DSN1: variants seen among roughly 807,000 people sequenced by gnomAD.
The protein encoded by DSN1 is kinetochore-associated protein DSN1 homolog.
Under a neutral mutation model 45.7 loss-of-function variants are expected in DSN1, and 31 were observed. The observed-to-expected ratio is 0.68, with a 90% CI of 0.51 to 0.92. The LOEUF is 0.92. Among genes scored for constraint, DSN1 ranks in the 40% least tolerant of loss-of-function variants. The pLI is 0.00. For synonymous variants in DSN1, 134 were observed against 142.3 expected (o/e 0.94, Z 0.41); for missense variants, 394 against 414.2 (o/e 0.95, Z 0.42).
At chr20:36,754,332 C>A (rs1840406079) in intron 10 of DSN1, among the ~76,000 whole-genome samples, 1 of 151,816 alleles carries the variant, frequency 6.6e-6, no homozygotes, top group Admixed American at 6.6e-5. Context: ...AAGCGAGAGA[C>A]TTTGCCCCCC....
chr20:36,766,941 A>C, intron 4 of DSN1, 100 bp from the exon 5 acceptor site: 1 of 731,020 alleles, frequency 1.4e-6, no homozygotes, highest in Non-Finnish European at 2.2e-6. Flanking sequence ...GAAACTAAAT[A>C]CTAAATATGA....
At chr20:36,765,224 C>T (rs1196006407) in intron 5 of DSN1, among the ~76,000 whole-genome samples, 1 of 123,668 alleles carries the variant, frequency 8.1e-6, no homozygotes, top group African/African-American at 3.2e-5. Context: ...TTTTTACTTG[C>T]ATACGTGCCA....
intron 5 of DSN1, among the ~76,000 whole-genome samples, chr20:36,763,265 C>T (rs1032915077): frequency 6.6e-6 from 1 of 151,652 alleles, no homozygotes; most frequent in African/African-American, 2.4e-5. Context: ...TATACCTGGG[C>T]GTGGTGGTAC....
intron 5 of DSN1, among the ~76,000 whole-genome samples, chr20:36,763,372 AC>A (rs1242437920): frequency 7.5e-6 from 1 of 133,798 alleles, no homozygotes; most frequent in African/African-American, 2.7e-5. Context: ...GCCACTGCAC[AC>A]CAGCCCGGGC....
chr20:36,762,927 T>C (rs967705364), intron 5 of DSN1, among the ~76,000 whole-genome samples: 1 of 152,158 alleles, frequency 6.6e-6, no homozygotes, highest in Non-Finnish European at 1.5e-5. Flanking sequence ...CTAAATTTTG[T>C]ATTTTCTGTG....
At chr20:36,771,290 T>C (rs1987636667) in intron 2 of DSN1, 97 bp from the exon 3 acceptor site, 2 of 1,484,272 alleles carry the variant, frequency 1.3e-6, no homozygotes, top group Middle Eastern at 1.8e-4. Flanking sequence ...CCCTAGATCG[T>C]GGAAACATAA....
At chr20:36,766,560 CAGG>C (rs1987350955) in intron 5 of DSN1, among the ~76,000 whole-genome samples, 1 of 152,030 alleles carries the variant, frequency 6.6e-6, no homozygotes, top group South Asian at 2.1e-4. Flanking sequence ...GGGGCTCAGG[CAGG>C]AGAATTGGTT....
chr20:36,765,043 A>G (rs1468317750), intron 5 of DSN1, among the ~76,000 whole-genome samples: 3 of 152,086 alleles, frequency 2.0e-5, no homozygotes, highest in Admixed American at 6.6e-5. Context: ...ATCACCTATC[A>G]TATAGTAAGA....
intron 5 of DSN1, among the ~76,000 whole-genome samples, chr20:36,766,385 G>T (rs1327368968): frequency 6.6e-6 from 1 of 150,906 alleles, no homozygotes; most frequent in African/African-American, 2.4e-5. Context: ...AAAAAGTAGG[G>T]GGCTGGGCAC....
intron 5 of DSN1, among the ~76,000 whole-genome samples, chr20:36,766,483 A>C (rs898525765): frequency 1.3e-5 from 2 of 152,114 alleles, no homozygotes; most frequent in Non-Finnish European, 2.9e-5. Flanking sequence ...CCTGGCCAAC[A>C]TGGTGAAACC....
At chr20:36,763,885 CAAAAA>C (rs148628979) in intron 5 of DSN1, among the ~76,000 whole-genome samples, 526 of 37,454 alleles carry the variant, frequency 0.014, 2 homozygotes, top group African/African-American at 0.038. Context: ...AACTCTGTCT[CAAAAA>C]AAAAAAAAAA....
Position 36,771,029 on chromosome 20 carries a change from G to GATCAC in DSN1, c.194_198dup (p.Leu67ValfsTer37). ...GACTGAAGTCTTTCCTGGTGGCTGAGATCACAATTTCCCCCTTTTTTAGGG... is the reference window on the plus strand; with the variant it reads ...GACTGAAGTCTTTCCTGGTGGCTGAGATCACATCACAATTTCCCCCTTTTTTAGGG... On this transcript the variant is annotated frameshift_variant, in exon 3 of 11. Transcript: ENST00000373750. LOFTEE classifies it high-confidence loss of function. The GATCAC allele has an allele frequency of 6.2e-7, 1 of 1,614,176 alleles. No individual in the cohort carries two copies. The highest frequency in any genetic ancestry group is 8.5e-7 in the Non-Finnish European group (1 of 1,180,044).
intron 3 of DSN1, among the ~76,000 whole-genome samples, chr20:36,768,733 G>A (rs2148282806): frequency 6.6e-6 from 1 of 152,238 alleles, no homozygotes; most frequent in South Asian, 2.1e-4. Context: ...ACTCTGTACT[G>A]TATACTATAA....
chr20:36,771,613 T>G (rs779935954), intron 1 of DSN1, 140 bp from the exon 2 acceptor site: 40 of 671,926 alleles, frequency 6.0e-5, no homozygotes, highest in Non-Finnish European at 9.4e-5. Flanking sequence ...ACAGAGAATA[T>G]CAGCAGGGGC....
intron 5 of DSN1, among the ~76,000 whole-genome samples, chr20:36,766,194 C>CAAA (rs368772931): frequency 8.3e-5 from 4 of 47,984 alleles, no homozygotes; most frequent in Non-Finnish European, 1.3e-4. Flanking sequence ...GACTCCATCT[C>CAAA]AAAAAAAAAA....
In DSN1 at chr20:36,758,566, G is replaced by T. The variant is rs143770788; in HGVS notation, c.642C>A (p.Tyr214Ter). 12 of 1,610,586 alleles carry T rather than the reference G, an allele frequency of 7.5e-6. No homozygotes were observed. The highest frequency in any genetic ancestry group is 1.0e-5 in the Non-Finnish European group (12 of 1,179,070). ...LEASVAEMKE[Y>*]ITKFSLERQT... ...AACAAAGGTTAACTTACTTTGTTAT[G>T]TATTCCTTCATCTCAGCCACAGATG... is the stretch of plus-strand genomic sequence containing the variant. The change falls in exon 7 of 11, where the codon TAC (tyrosine) becomes TAA (stop). Residue 214 changes from tyrosine to a stop codon, truncating the protein, a stop_gained. Transcript: ENST00000373750. LOFTEE classifies it high-confidence loss of function.
At chr20:36,758,417 A>G in intron 7 of DSN1, 141 bp downstream of exon 7, 3 of 742,436 alleles carry the variant, frequency 4.0e-6, no homozygotes, top group Non-Finnish European at 6.6e-6. Context: ...TAAAAATCTC[A>G]ATATGCAGCC....
At chr20:36,772,297 G>GT (rs57387645) in intron 1 of DSN1, among the ~76,000 whole-genome samples, 148,516 of 149,948 alleles carry the variant, frequency 0.99, 73,560 homozygotes, top group East Asian at 1. Context: ...CTTTGTTTTT[G>GT]TTTTTTTTTG....
At chr20:36,756,455 A>G (rs1422835897) in intron 8 of DSN1, among the ~76,000 whole-genome samples, 2 of 152,196 alleles carry the variant, frequency 1.3e-5, no homozygotes, top group Admixed American at 1.3e-4. Context: ...GTCAGTGTCT[A>G]TAATTGTTTA....
Sources: allele counts gnomAD v4.1 joint callset (sites outside exome capture counted in the v4.1 genomes callset), GRCh38; gene constraint gnomAD v4.1.1; transcripts MANE v1.5; gene names NCBI Gene and HGNC (gene_info 2026-07-23, HGNC 2026-07-21).